The following NCAM2 variants were observed in gnomAD, a reference collection of about 807,000 sequenced individuals.
NCAM2 encodes N-CAM-2.
Under a neutral mutation model 98.1 loss-of-function variants are expected in NCAM2, and 30 were observed. The ratio of observed to expected loss-of-function variants is 0.31; its 90% confidence interval spans 0.23 to 0.41. The LOEUF is 0.41. NCAM2 is among the 10% of genes least tolerant of loss of function. The pLI is 1.00. For missense variants in NCAM2, 867 were observed against 1,005.8 expected, an observed-to-expected ratio of 0.86 and a Z score of 1.87; for synonymous variants, 368 against 342.4, an observed-to-expected ratio of 1.07 and a Z score of -0.83.
intron 1 of NCAM2, among the ~76,000 whole-genome samples, chr21:21,262,938 T>C (rs912906175): frequency 4.6e-5 from 7 of 152,062 alleles, no homozygotes; most frequent in Non-Finnish European, 8.8e-5. Flanking sequence ...TTCACTGTCA[T>C]GAGAACAGCA....
At chr21:21,202,431 T>TTTTTTTC (rs397804458) in intron 1 of NCAM2, among the ~76,000 whole-genome samples, 1 of 146,836 alleles carries the variant, frequency 6.8e-6, no homozygotes, top group African/African-American at 2.6e-5. Flanking sequence ...TTTTTTTTTT[T>TTTTTTTC]CTGAGGCGGA....
rs548664253 is a variant in NCAM2 at position 21,467,380 on chromosome 21, C to G, written c.1774+655C>G. Among the ~76,000 whole-genome samples the G allele has an allele frequency of 3.8e-4, 49 of 127,532 alleles. 1 individual carries two copies. The South Asian group carries it at 6.3e-3, about 16-fold the overall frequency. The allele number at this position is 127,532 out of a possible 152,430, so 83.7% of individuals were successfully genotyped here. ...GCGTAACACTGCCTGATATATATATCTTTATATATATATATATATCGTTGT... is the reference window on the plus strand; with the variant it reads ...GCGTAACACTGCCTGATATATATATGTTTATATATATATATATATCGTTGT... On this transcript the variant is annotated intron_variant, in intron 13 of 17. Transcript: ENST00000400546.
intron 9 of NCAM2, among the ~76,000 whole-genome samples, chr21:21,404,931 A>T (rs774540961): frequency 1.3e-5 from 2 of 151,632 alleles, no homozygotes; most frequent in African/African-American, 4.8e-5. Context: ...TAAAACTCTA[A>T]GGGTTTTTAT....
chr21:21,150,386 A>G (rs1167879251), intron 1 of NCAM2, among the ~76,000 whole-genome samples: 1 of 152,082 alleles, frequency 6.6e-6, no homozygotes. Flanking sequence ...TTGTGAATAG[A>G]GGTGATGAGA....
chr21:21,396,215 T>C (rs1244896144), intron 9 of NCAM2, among the ~76,000 whole-genome samples: 1 of 151,640 alleles, frequency 6.6e-6, no homozygotes, highest in Non-Finnish European at 1.5e-5. Flanking sequence ...CAGGCAATTC[T>C]CAAAGAAGAT....
At chr21:21,205,102 T>C (rs1304684114) in intron 1 of NCAM2, among the ~76,000 whole-genome samples, 1 of 152,048 alleles carries the variant, frequency 6.6e-6, no homozygotes, top group African/African-American at 2.4e-5. Context: ...CAAGAAAGAG[T>C]CTAACGGTAA....
At chr21:21,360,633 T>C (rs1006943478) in intron 8 of NCAM2, among the ~76,000 whole-genome samples, 22 of 152,020 alleles carry the variant, frequency 1.4e-4, no homozygotes, top group Non-Finnish European at 1.2e-4. Context: ...CACCAACTTA[T>C]ATTTTACTGT....
At chr21:21,265,105 A>T (rs1326778651) in intron 1 of NCAM2, among the ~76,000 whole-genome samples, 4 of 32,180 alleles carry the variant, frequency 1.2e-4, no homozygotes, top group African/African-American at 4.0e-4. Flanking sequence ...ATACATATAT[A>T]ATATATATAC....
intron 12 of NCAM2, among the ~76,000 whole-genome samples, chr21:21,437,704 A>G (rs1978594133): frequency 6.6e-6 from 1 of 152,152 alleles, no homozygotes; most frequent in Non-Finnish European, 1.5e-5. Context: ...AAACAATTAT[A>G]TGGCTGCTCC....
intron 8 of NCAM2, among the ~76,000 whole-genome samples, chr21:21,352,686 A>G (rs538604787): frequency 2.0e-5 from 3 of 151,274 alleles, no homozygotes; most frequent in South Asian, 2.1e-4. Context: ...ACATGTAACA[A>G]TATCTCAGAC....
chr21:21,250,513 A>G (rs552668031), intron 1 of NCAM2, among the ~76,000 whole-genome samples: 62 of 152,338 alleles, frequency 4.1e-4, no homozygotes, highest in African/African-American at 1.3e-3. Flanking sequence ...AATATATGCA[A>G]CACATGGGTC....
chr21:21,175,516 G>C (rs2068255093), intron 1 of NCAM2, among the ~76,000 whole-genome samples: 1 of 152,086 alleles, frequency 6.6e-6, no homozygotes, highest in African/African-American at 2.4e-5. Context: ...CTGGGCTACA[G>C]AGCGAGACTC....
At chr21:21,223,843 G>T (rs531899026) in intron 1 of NCAM2, 1 of 152,142 alleles carries the variant, frequency 6.6e-6, no homozygotes, top group Non-Finnish European at 1.5e-5. Context: ...GAGATAAAAT[G>T]ACATGCCTAA....
intron 1 of NCAM2, among the ~76,000 whole-genome samples, chr21:21,054,675 G>A (rs960909262): frequency 1.3e-5 from 2 of 151,944 alleles, no homozygotes; most frequent in African/African-American, 4.8e-5. Context: ...GAAAAGAAAT[G>A]AATTAAAAGT....
intron 5 of NCAM2, among the ~76,000 whole-genome samples, chr21:21,299,412 G>A (rs1189886454): frequency 2.6e-5 from 4 of 151,480 alleles, no homozygotes; most frequent in Non-Finnish European, 4.4e-5. Flanking sequence ...TTCAACTCAC[G>A]TTACATAAAA....
chr21:21,178,589 G>A lies in NCAM2; in HGVS notation c.56-101989G>A, dbSNP rs1343829884. ...TATGCTATGAGCCAGACACTGAGGT[G>A]GAAAGAGATGAATTAGACATGCTTA... On this transcript the variant is annotated intron_variant, in intron 1 of 17. Coordinates refer to ENST00000400546, the MANE Select transcript of NCAM2 (RefSeq NM_004540.5). Among the ~76,000 whole-genome samples, 10 of 151,982 alleles carry A rather than the reference G, an allele frequency of 6.6e-5. No individual in the cohort carries two copies. In the East Asian group the frequency reaches 1.9e-3, roughly 29 times the overall value.
At chr21:21,156,968 C>A (rs532880333) in intron 1 of NCAM2, among the ~76,000 whole-genome samples, 1 of 152,180 alleles carries the variant, frequency 6.6e-6, no homozygotes, top group South Asian at 2.1e-4. Context: ...TGTACAAAAT[C>A]CCAATTATTA....
Position 21,156,538 on chromosome 21 carries a change from C to A in NCAM2, c.56-124040C>A, listed in dbSNP as rs191899485. 4.2e-3 allele frequency among the ~76,000 whole-genome samples: 636 copies of A among 151,056 alleles called. 8 individuals are homozygous for A. Among genetic ancestry groups the A allele is most frequent in the African/African-American group, 0.015 (611 of 41,168 alleles). Reference sequence around the variant, plus strand: ...TTTGTTTGCATGGATATAGTAAACACCAAAGTTTTTACTATGGAAGTCAAG... The same window carrying A: ...TTTGTTTGCATGGATATAGTAAACAACAAAGTTTTTACTATGGAAGTCAAG... On this transcript the variant is annotated intron_variant, in intron 1 of 17. Transcript: ENST00000400546.
intron 1 of NCAM2, among the ~76,000 whole-genome samples, chr21:21,079,297 ATCTT>A (rs58388691): frequency 0.17 from 26,169 of 151,994 alleles, 2,440 homozygotes; most frequent in Non-Finnish European, 0.19. Context: ...TTTTGCTTTT[ATCTT>A]TCTTAAGAGA....
Sources: gnomAD v4.1 joint callset for allele counts (sites outside exome capture counted in the v4.1 genomes callset) on GRCh38, gnomAD v4.1.1 for gene constraint, MANE v1.5 for transcripts, NCBI Gene and HGNC (gene_info 2026-07-23, HGNC 2026-07-21) for gene names.